The following PLXNA2 variants were observed in gnomAD, a reference collection of about 807,000 sequenced individuals.
The protein encoded by PLXNA2 is plexin-A2.
PLXNA2 carries 91 observed loss-of-function variants against 193.5 expected under a neutral mutation model. The observed-to-expected ratio is 0.47, with a 90% CI of 0.40 to 0.56. The LOEUF is 0.56. Ranked by LOEUF, PLXNA2 falls within the 20% of genes least tolerant of loss-of-function variation. The probability of loss-of-function intolerance (pLI) is 0.00; values close to 1 mark genes in which losing one functional copy is unlikely to be tolerated. For synonymous variants in PLXNA2, 997 were observed against 1,027.3 expected, an observed-to-expected ratio of 0.97 and a Z score of 0.56; for missense variants, 1,995 against 2,503.2, an observed-to-expected ratio of 0.80 and a Z score of 4.33.
chr1:208,225,579 C>T (rs973086334), intron 1 of PLXNA2, among the ~76,000 whole-genome samples: 1 of 152,204 alleles, frequency 6.6e-6, no homozygotes, highest in Admixed American at 6.5e-5. Context: ...TCCCAAAATG[C>T]TGGGATTACA....
At chr1:208,149,071 C>A (rs1615976) in intron 3 of PLXNA2, among the ~76,000 whole-genome samples, 134,118 of 152,162 alleles carry the variant, frequency 0.88, 59,358 homozygotes, top group Middle Eastern at 0.93. Context: ...TCAGAAGAGG[C>A]CTTTATCACT....
At chr1:208,194,477 AAAAG>A (rs1670290678) in intron 3 of PLXNA2, among the ~76,000 whole-genome samples, 1 of 143,192 alleles carries the variant, frequency 7.0e-6, no homozygotes, top group Non-Finnish European at 1.5e-5. Flanking sequence ...AAAAAAAAAA[AAAAG>A]AAAGAAAAAA....
At chr1:208,183,544 G>T (rs568484084) in intron 3 of PLXNA2, among the ~76,000 whole-genome samples, 1 of 145,464 alleles carries the variant, frequency 6.9e-6, no homozygotes, top group Non-Finnish European at 1.5e-5. Context: ...ACCATTCTGC[G>T]CAGCGTCCCC....
intron 3 of PLXNA2, among the ~76,000 whole-genome samples, chr1:208,158,637 T>A (rs1206083626): frequency 3.3e-5 from 5 of 152,242 alleles, no homozygotes; most frequent in Non-Finnish European, 7.3e-5. Context: ...ACTCCATCTC[T>A]AATCCCACAT....
intron 8 of PLXNA2, among the ~76,000 whole-genome samples, chr1:208,094,676 C>A (rs1162313916): frequency 6.6e-6 from 1 of 152,178 alleles, no homozygotes; most frequent in East Asian, 1.9e-4. Context: ...TAGAGGGCAG[C>A]TTTGTCTATT....
chr1:208,215,466 GGATA>G (rs1022962082), intron 2 of PLXNA2, among the ~76,000 whole-genome samples: 6 of 151,940 alleles, frequency 3.9e-5, no homozygotes, highest in African/African-American at 9.7e-5. Context: ...AATGGATGAT[GGATA>G]GATAAAGATA....
At chr1:208,178,765 C>T (rs2801192) in intron 3 of PLXNA2, among the ~76,000 whole-genome samples, 147,710 of 152,318 alleles carry the variant, frequency 0.97, 71,794 homozygotes, top group East Asian at 1. Flanking sequence ...CTCAGATCAA[C>T]AGCATCAACA....
chr1:208,138,610 C>T (rs1461656232), intron 4 of PLXNA2, among the ~76,000 whole-genome samples: 11 of 152,224 alleles, frequency 7.2e-5, no homozygotes, highest in African/African-American at 1.2e-4. Flanking sequence ...GCTGACCGGG[C>T]GCAGTGGCGC....
chr1:208,035,482 AG>A (rs1273825023), intron 26 of PLXNA2, among the ~76,000 whole-genome samples: 1 of 152,106 alleles, frequency 6.6e-6, no homozygotes, highest in Non-Finnish European at 1.5e-5. Flanking sequence ...ATCCTCTATG[AG>A]GGTACCCCAG....
intron 4 of PLXNA2, among the ~76,000 whole-genome samples, chr1:208,139,365 C>T (rs973555880): frequency 6.6e-6 from 1 of 152,150 alleles, no homozygotes; most frequent in Non-Finnish European, 1.5e-5. Flanking sequence ...TGTCATGTCC[C>T]CCTGCCCCCT....
chr1:208,119,122 A>C (rs1227084608), intron 4 of PLXNA2, among the ~76,000 whole-genome samples: 3 of 152,150 alleles, frequency 2.0e-5, no homozygotes, highest in Non-Finnish European at 4.4e-5. Flanking sequence ...CAATACTGCT[A>C]TTTAGTGACT....
rs181799879 is a variant in PLXNA2, at chr1:208,236,564, A to G, written c.-81+7079T>C. Among the ~76,000 whole-genome samples, 1 of 152,298 alleles carries G rather than the reference A, an allele frequency of 6.6e-6. No homozygotes were observed. The highest frequency in any genetic ancestry group is 1.9e-4 in the East Asian group (1 of 5,176). ...CTCCCTCTAACCCCTGCTCAAAGGT[A>G]AAAAGACCTGCCCATAGTCACAGAG... On this transcript the variant is annotated intron_variant, in intron 1 of 31. Coordinates refer to ENST00000367033, the MANE Select transcript of PLXNA2 (RefSeq NM_025179.4). This position sits in a 1 kb window ranked among gnomAD's most constrained non-coding sequence, Gnocchi z 4.4.
At chr1:208,136,854 T>A (rs1668315830) in intron 4 of PLXNA2, among the ~76,000 whole-genome samples, 2 of 152,224 alleles carry the variant, frequency 1.3e-5, no homozygotes, top group South Asian at 4.1e-4. Flanking sequence ...AAAGAAGTTC[T>A]AAGACTACTA....
intron 28 of PLXNA2, among the ~76,000 whole-genome samples, chr1:208,032,682 C>T (rs1664539495): frequency 6.6e-6 from 1 of 151,940 alleles, no homozygotes; most frequent in Admixed American, 6.6e-5. Flanking sequence ...AAGATGAAGC[C>T]TCACTTCCAT....
At position 208,044,581 on chromosome 1, in the gene PLXNA2, A is replaced by T; in HGVS notation, c.3801T>A (p.Asn1267Lys). The T allele has an allele frequency of 6.2e-7, 1 of 1,614,048 alleles. No homozygotes were observed. Among genetic ancestry groups the T allele is most frequent in the Non-Finnish European group, 8.5e-7 (1 of 1,180,036 alleles). The change falls in exon 20 of 32, where the codon AAT (asparagine) becomes AAA (lysine). Residue 1267 changes from asparagine to lysine, a missense_variant. Physicochemically the swap from Asn to Lys is moderately conservative, Grantham distance 94 (BLOSUM62 0). Transcript: ENST00000367033. The surrounding 1 kb of genome is among the most constrained non-coding windows in gnomAD (Gnocchi z 4.9). ...LIAYKRKSRE[N>K]DLTLKRLQMQ... Reference sequence around the variant, plus strand: ...TTTGCAGCCGCTTGAGAGTGAGGTCATTTTCTCGAGACTTGCGCTTGTAGG... The same window carrying T: ...TTTGCAGCCGCTTGAGAGTGAGGTCTTTTTCTCGAGACTTGCGCTTGTAGG...
chr1:208,192,309 TG>T (rs1558236981), intron 3 of PLXNA2, among the ~76,000 whole-genome samples: 1 of 111,436 alleles, frequency 9.0e-6, no homozygotes, highest in Non-Finnish European at 1.7e-5. Context: ...TTGGGGATGG[TG>T]TGTGTGTGTG....
intron 12 of PLXNA2, among the ~76,000 whole-genome samples, chr1:208,074,476 G>C (rs1666079501): frequency 6.6e-6 from 1 of 152,190 alleles, no homozygotes; most frequent in African/African-American, 2.4e-5. Flanking sequence ...AGTCCTGAGG[G>C]GGTCCTAACC....
intron 3 of PLXNA2, among the ~76,000 whole-genome samples, chr1:208,164,925 G>A (rs1355733706): frequency 6.6e-6 from 1 of 152,250 alleles, no homozygotes; most frequent in Non-Finnish European, 1.5e-5. Flanking sequence ...TTAGCAAAGA[G>A]GCTTAGGTGG....
chr1:208,189,413 C>T (rs4844414), intron 3 of PLXNA2, among the ~76,000 whole-genome samples: 32,833 of 151,668 alleles, frequency 0.22, 4,468 homozygotes, highest in East Asian at 0.55. Context: ...CCACAGGAGG[C>T]CCAGAATAGG....
Sources: gnomAD v4.1 joint callset for allele counts (sites outside exome capture counted in the v4.1 genomes callset) on GRCh38, gnomAD v4.1.1 for gene constraint, Gnocchi (gnomAD v3.1) non-coding constraint, MANE v1.5 for transcripts, NCBI Gene and HGNC (gene_info 2026-07-23, HGNC 2026-07-21) for gene names.